The following NHSL1 variants were observed in gnomAD, a reference collection of about 807,000 sequenced individuals.
NHSL1 encodes the protein NHS like 1, also known as NHS-like protein 1.
NHSL1 carries 48 observed loss-of-function variants against 95.0 expected under a neutral mutation model. The ratio of observed to expected loss-of-function variants is 0.51; its 90% CI spans 0.40 to 0.64. The LOEUF is 0.64. Among genes scored for constraint, NHSL1 ranks in the 30% least tolerant of loss-of-function variants. The probability of loss-of-function intolerance (pLI) is 0.00; values close to 1 mark genes in which losing one functional copy is unlikely to be tolerated. For missense variants in NHSL1, 1,971 were observed against 2,077.7 expected (o/e 0.95, Z 1.00); for synonymous variants, 783 against 833.9 (o/e 0.94, Z 1.05).
At chr6:138,440,563 C>A (rs73776960) in intron 5 of NHSL1, among the ~76,000 whole-genome samples, 1 of 151,796 alleles carries the variant, frequency 6.6e-6, no homozygotes, top group African/African-American at 2.4e-5. Flanking sequence ...TGGCTGCCTG[C>A]GGCAAAGGCA....
At chr6:138,603,737 T>C (rs1213886492) in intron 1 of NHSL1, among the ~76,000 whole-genome samples, 1 of 152,224 alleles carries the variant, frequency 6.6e-6, no homozygotes, top group Admixed American at 6.5e-5. Flanking sequence ...AACAGAAGCA[T>C]GTCAGGTACA....
intron 7 of NHSL1, 107 bp downstream of exon 7, chr6:138,429,604 T>C (rs1264449375): frequency 3.0e-6 from 3 of 1,007,012 alleles, no homozygotes; most frequent in Non-Finnish European, 4.3e-6. Flanking sequence ...TAAGGAGTTA[T>C]GATTGGGTGA....
chr6:138,524,312 C>T (rs1236869979), intron 1 of NHSL1, among the ~76,000 whole-genome samples: 4 of 152,150 alleles, frequency 2.6e-5, no homozygotes, highest in Non-Finnish European at 5.9e-5. Context: ...ACAAAGTGAA[C>T]GCCCATGTAA....
Position 138,423,924 on chromosome 6 carries a change from C to G in NHSL1, c.*157G>C, listed in dbSNP as rs111803985. 1.6e-3 allele frequency: 972 copies of G among 608,404 alleles called. 6 individuals are homozygous for G. The African/African-American group carries it at 0.017, about 11-fold the overall frequency. The allele number at this position is 608,404 out of a possible 1,614,324, so 37.7% of individuals were successfully genotyped here. ...AAGTGCCAGGTGAGTCCTAAATAAC[C>G]GTTCACTCACACTGCAGGGCTGGCA... On this transcript the variant is annotated 3_prime_UTR_variant, in exon 8 of 8. Transcript: ENST00000343505.
At chr6:138,502,398 G>A (rs1780733390), upstream of NHSL1, among the ~76,000 whole-genome samples, 1 of 151,292 alleles carries the variant, frequency 6.6e-6, no homozygotes, top group South Asian at 2.1e-4. Context: ...TTTTTTAATT[G>A]TTCAATTTAT....
chr6:138,612,109 C>CA (rs368848438), intron 1 of NHSL1, among the ~76,000 whole-genome samples: 28,374 of 73,004 alleles, frequency 0.39, 4,899 homozygotes, highest in Middle Eastern at 0.45. Flanking sequence ...GACTCCATCT[C>CA]AAAAAAAAAA....
At chr6:138,452,797 C>T (rs1167793485) in intron 3 of NHSL1, among the ~76,000 whole-genome samples, 2 of 151,234 alleles carry the variant, frequency 1.3e-5, no homozygotes, top group Non-Finnish European at 2.9e-5. Flanking sequence ...GAGACCCTCA[C>T]TGATTTCTGT....
intron 1 of NHSL1, among the ~76,000 whole-genome samples, chr6:138,508,366 T>C (rs576531427): frequency 5.3e-5 from 8 of 152,252 alleles, no homozygotes; most frequent in Admixed American, 3.9e-4. Context: ...GTGAAAGGGA[T>C]GGGTGCTGAT....
At chr6:138,687,955 CTTTT>C (rs71549004) in intron 1 of NHSL1, among the ~76,000 whole-genome samples, 525 of 148,640 alleles carry the variant, frequency 3.5e-3, no homozygotes, top group African/African-American at 0.01. Context: ...AAATTGTACA[CTTTT>C]TTTTTTTGGG....
chr6:138,499,538 C>T (rs1780561374), upstream of NHSL1: 2 of 692,932 alleles, frequency 2.9e-6, no homozygotes, highest in East Asian at 4.3e-5. Context: ...TGAGAGCAGC[C>T]AGTGACATCG....
chr6:138,488,209 C>T (rs1004771635), intron 2 of NHSL1, among the ~76,000 whole-genome samples: 7 of 150,736 alleles, frequency 4.6e-5, no homozygotes, highest in African/African-American at 1.5e-4. Flanking sequence ...ACCTAGGAGG[C>T]GGAGGTTGCA....
chr6:138,557,750 T>C (rs1386913986), intron 1 of NHSL1, among the ~76,000 whole-genome samples: 1 of 152,186 alleles, frequency 6.6e-6, no homozygotes, highest in African/African-American at 2.4e-5. Context: ...AAATCCAGTC[T>C]ATACCAATTA....
intron 1 of NHSL1, among the ~76,000 whole-genome samples, chr6:138,588,008 T>A (rs900504075): frequency 6.6e-6 from 1 of 152,272 alleles, no homozygotes; most frequent in South Asian, 2.1e-4. Flanking sequence ...CATGTGCTAG[T>A]GGTGATGCTC....
At chr6:138,651,241 G>A (rs191806921) in intron 1 of NHSL1, among the ~76,000 whole-genome samples, 9 of 152,212 alleles carry the variant, frequency 5.9e-5, no homozygotes, top group Admixed American at 5.9e-4. Flanking sequence ...AATTTGGAGA[G>A]GTCAAATCTT....
chr6:138,533,636 TTCTG>T (rs1249553136), intron 1 of NHSL1, among the ~76,000 whole-genome samples: 2 of 152,382 alleles, frequency 1.3e-5, no homozygotes, highest in African/African-American at 4.8e-5. Flanking sequence ...AATAATTTTT[TTCTG>T]TCTATGATCA....
At chr6:138,650,965 C>G (rs1218944580) in intron 1 of NHSL1, 2 of 525,556 alleles carry the variant, frequency 3.8e-6, no homozygotes, top group Non-Finnish European at 3.8e-6. Flanking sequence ...GGACCTTCCT[C>G]CCCAGCACAT....
At chr6:138,506,845 T>C (rs1055465557) in intron 1 of NHSL1, among the ~76,000 whole-genome samples, 2 of 152,202 alleles carry the variant, frequency 1.3e-5, no homozygotes, top group Non-Finnish European at 2.9e-5. Flanking sequence ...TTATTTGATA[T>C]GGCAGATTAA....
upstream of NHSL1, among the ~76,000 whole-genome samples, chr6:138,575,868 T>G (rs1783961430): frequency 6.6e-6 from 1 of 152,210 alleles, no homozygotes; most frequent in African/African-American, 2.4e-5. Context: ...AATCAGCCCC[T>G]CCTGGCAGCA....
At chr6:138,451,067 G>A (rs1038086242) in intron 3 of NHSL1, among the ~76,000 whole-genome samples, 2 of 152,070 alleles carry the variant, frequency 1.3e-5, no homozygotes, top group African/African-American at 4.8e-5. Flanking sequence ...GTCAGATCAT[G>A]TTGCTCCTCT....
Sources: gnomAD v4.1 joint callset for allele counts (sites outside exome capture counted in the v4.1 genomes callset) on GRCh38, gnomAD v4.1.1 for gene constraint, MANE v1.5 for transcripts, NCBI Gene and HGNC (gene_info 2026-07-23, HGNC 2026-07-21) for gene names.